MMD2: variants seen among roughly 807,000 people sequenced by gnomAD.
MMD2 encodes the protein monocyte to macrophage differentiation associated 2, also known as monocyte to macrophage differentiation factor 2.
A neutral mutation model predicts 33.5 loss-of-function variants in MMD2; 30 were observed. That is an observed-to-expected ratio of 0.90 (90% CI 0.67 to 1.22). The LOEUF is 1.22. MMD2 is among the 50% of genes most tolerant of loss of function. MMD2 has a pLI of 0.00. For synonymous variants in MMD2, 129 were observed against 123.0 expected (o/e 1.05, Z -0.32); for missense variants, 364 against 325.4 (o/e 1.12, Z -0.91).
At chr7:4,902,494 C>T (rs950419145), downstream of MMD2, among the ~76,000 whole-genome samples, 4 of 152,132 alleles carry the variant, frequency 2.6e-5, no homozygotes, top group East Asian at 1.9e-4. Context: ...CCTTACCCCA[C>T]GGGGGGAGTC....
chr7:4,925,829 T>C (rs942109020), intron 1 of MMD2, among the ~76,000 whole-genome samples: 1 of 152,206 alleles, frequency 6.6e-6, no homozygotes, highest in Non-Finnish European at 1.5e-5. Context: ...TATTTTTATT[T>C]TTTGAGATGG....
At chr7:4,954,198 C>T (rs1026383618) in intron 1 of MMD2, among the ~76,000 whole-genome samples, 3 of 152,182 alleles carry the variant, frequency 2.0e-5, no homozygotes, top group Non-Finnish European at 4.4e-5. Flanking sequence ...GTTACCACTG[C>T]GAGGGAGCAG....
At chr7:4,955,646 TAAAG>T (rs918801126) in intron 1 of MMD2, among the ~76,000 whole-genome samples, 2 of 152,230 alleles carry the variant, frequency 1.3e-5, no homozygotes, top group African/African-American at 4.8e-5. Context: ...GCCTTGGATA[TAAAG>T]AGTTAACTAA....
chr7:4,959,079 G>GGGGCGCGGCGGCGGCAGCAGCAGGTTGGA lies in MMD2; in HGVS notation c.-91_-63dup. The GGGGCGCGGCGGCGGCAGCAGCAGGTTGGA allele has an allele frequency of 4.9e-6, 6 of 1,227,848 alleles. No individual in the cohort carries two copies. Among genetic ancestry groups the GGGGCGCGGCGGCGGCAGCAGCAGGTTGGA allele is most frequent in the Non-Finnish European group, 6.2e-6 (6 of 972,522 alleles). 76.1% of individuals were successfully genotyped at this position (1,227,848 alleles called of 1,614,324 possible). A position where few individuals can be genotyped will look rare whatever the true frequency, so the allele number is the denominator to read the frequency against. On this transcript the variant is annotated 5_prime_UTR_variant, in exon 1 of 7. Transcript: ENST00000401401. ...AGCGCGGGTAGCTGGCAGAGCCTGG[G>GGGGCGCGGCGGCGGCAGCAGCAGGTTGGA]GGGCGCGGCGGCGGCAGCAGCAGGT...
At chr7:4,910,814 A>G (rs976658205) in intron 5 of MMD2, among the ~76,000 whole-genome samples, 1 of 152,236 alleles carries the variant, frequency 6.6e-6, no homozygotes, top group East Asian at 1.9e-4. Context: ...TTTTTAATAG[A>G]GACAGGGTTT....
At chr7:4,893,810 C>G in the MMD2 span, among the ~76,000 whole-genome samples, 1 of 152,192 alleles carries the variant, frequency 6.6e-6, no homozygotes, top group African/African-American at 2.4e-5. Context: ...AGGGTAACGT[C>G]TTGACATTGC....
chr7:4,941,868 G>T (rs1415666450), intron 1 of MMD2, among the ~76,000 whole-genome samples: 1 of 151,102 alleles, frequency 6.6e-6, no homozygotes, highest in East Asian at 2.0e-4. Flanking sequence ...AAGAGTCCTT[G>T]AGGTGACAAA....
chr7:4,907,844 T>C (rs1383889746), intron 6 of MMD2, among the ~76,000 whole-genome samples: 1 of 152,192 alleles, frequency 6.6e-6, no homozygotes, highest in Non-Finnish European at 1.5e-5. Flanking sequence ...TCTCGGTCTG[T>C]TGCCCCAGCG....
At chr7:4,931,313 T>C (rs1031482133) in intron 1 of MMD2, among the ~76,000 whole-genome samples, 1 of 150,906 alleles carries the variant, frequency 6.6e-6, no homozygotes, top group Non-Finnish European at 1.5e-5. Context: ...ACCCGGCTAA[T>C]TTATTTTTAT....
intron 5 of MMD2, 120 bp downstream of exon 5, chr7:4,911,025 G>C (rs1784992814): frequency 1.2e-6 from 1 of 842,956 alleles, no homozygotes; most frequent in Admixed American, 2.5e-5. Context: ...TGACGTGACA[G>C]CCAGAGCTGT....
intron 1 of MMD2, among the ~76,000 whole-genome samples, chr7:4,945,670 G>A (rs979457831): frequency 6.6e-6 from 1 of 152,074 alleles, no homozygotes; most frequent in Non-Finnish European, 1.5e-5. Context: ...TGCCTCCAGG[G>A]TTCAAACGAT....
intron 1 of MMD2, among the ~76,000 whole-genome samples, chr7:4,937,274 G>A (rs1785767868): frequency 6.6e-6 from 1 of 151,506 alleles, no homozygotes; most frequent in Admixed American, 6.6e-5. Context: ...GCGCGCACCT[G>A]TAATCCCAGC....
At chr7:4,901,832 T>C (rs1024014826), downstream of MMD2, among the ~76,000 whole-genome samples, 1 of 152,270 alleles carries the variant, frequency 6.6e-6, no homozygotes, top group African/African-American at 2.4e-5. Flanking sequence ...GACGACCAAT[T>C]ACATACATTG....
chr7:4,934,912 G>A (rs1011017588), intron 1 of MMD2, among the ~76,000 whole-genome samples: 13 of 152,226 alleles, frequency 8.5e-5, no homozygotes, highest in Non-Finnish European at 1.3e-4. Flanking sequence ...AAGGCCGAGC[G>A]GGGTGGCTCA....
intron 1 of MMD2, among the ~76,000 whole-genome samples, chr7:4,951,924 T>A (rs1345360780): frequency 6.6e-6 from 1 of 151,700 alleles, no homozygotes; most frequent in Non-Finnish European, 1.5e-5. Flanking sequence ...TTTTGGAGAG[T>A]CAGGGTTTCA....
chr7:4,920,807 T>A (rs1009886939), intron 2 of MMD2, among the ~76,000 whole-genome samples: 1 of 149,896 alleles, frequency 6.7e-6, no homozygotes, highest in Non-Finnish European at 1.5e-5. Flanking sequence ...AGCCTCAACT[T>A]CCTGGGCTCA....
downstream of MMD2, among the ~76,000 whole-genome samples, chr7:4,903,474 T>C (rs562862172): frequency 3.3e-5 from 5 of 152,176 alleles, no homozygotes; most frequent in African/African-American, 1.2e-4. Context: ...TCAACGCCAC[T>C]CACACCACAC....
intron 4 of MMD2, among the ~76,000 whole-genome samples, chr7:4,915,323 GTAAATA>G (rs1301539828): frequency 3.3e-5 from 5 of 151,154 alleles, no homozygotes; most frequent in African/African-American, 9.7e-5. Context: ...TAAATATTAA[GTAAATA>G]TAAATATAAG....
At chr7:4,948,426 G>C (rs1786151033) in intron 1 of MMD2, among the ~76,000 whole-genome samples, 1 of 152,146 alleles carries the variant, frequency 6.6e-6, no homozygotes, top group Admixed American at 6.5e-5. Context: ...GGGAGGCTGA[G>C]GCAGGAGAAT....
Sources: allele counts gnomAD v4.1 joint callset (sites outside exome capture counted in the v4.1 genomes callset), GRCh38; gene constraint gnomAD v4.1.1; transcripts MANE v1.5; gene names NCBI Gene and HGNC (gene_info 2026-07-23, HGNC 2026-07-21).